The following RANBP3 variants were observed in gnomAD, a reference collection of about 807,000 sequenced individuals.
RANBP3 encodes ran-binding protein 3.
In RANBP3, 14 loss-of-function variants were observed where a neutral mutation model predicts 77.3. The ratio of observed to expected loss-of-function variants is 0.18; its 90% CI spans 0.12 to 0.28. The LOEUF (loss-of-function observed/expected upper bound fraction) is 0.28, where lower values mean the gene tolerates loss of function less well. RANBP3 is among the 10% of genes least tolerant of loss of function. The pLI, the probability that RANBP3 is intolerant of heterozygous loss-of-function variation, is 1.00. For synonymous variants in RANBP3, 315 were observed against 312.4 expected, an observed-to-expected ratio of 1.01 and a Z score of -0.09; for missense variants, 586 against 752.3, an observed-to-expected ratio of 0.78 and a Z score of 2.59.
chr19:5,922,697 T>G (rs1599720349), intron 13 of RANBP3, among the ~76,000 whole-genome samples: 2 of 152,284 alleles, frequency 1.3e-5, no homozygotes, highest in African/African-American at 2.4e-5. Context: ...CCCAGCACTT[T>G]GGGAGGCCGA....
At chr19:5,970,137 T>C (rs1305882298) in intron 1 of RANBP3, among the ~76,000 whole-genome samples, 1 of 152,026 alleles carries the variant, frequency 6.6e-6, no homozygotes, top group African/African-American at 2.4e-5. Flanking sequence ...ACCAACATCC[T>C]AGGAGGCTCA....
At position 5,927,488 on chromosome 19, in the gene RANBP3, G is replaced by C. The variant is rs139805833; in HGVS notation, c.813+480C>G. 1.4e-3 allele frequency among the ~76,000 whole-genome samples: 208 copies of C among 152,374 alleles called. 3 individuals carry two copies. In the East Asian group the frequency reaches 0.038, roughly 28 times the overall value. On this transcript the variant is annotated intron_variant, in intron 9 of 16. Transcript: ENST00000340578. ...GTCAGATGTCAGGAGCATTGGGTGG[G>C]TGGAGGCCAGTGATGCTGCTCAGCA... is the stretch of plus-strand genomic sequence containing the variant.
chr19:5,959,766 G>A lies in RANBP3; in HGVS notation c.23-1793C>T, dbSNP rs886467388. On this transcript the variant is annotated intron_variant, in intron 1 of 16. Transcript: ENST00000340578. The surrounding 1 kb of genome is among the most constrained non-coding windows in gnomAD (Gnocchi z 5.1). Reference sequence around the variant, plus strand: ...GCCACCAGGATCCTAGAGGTCTTCCGGTGCCACGCCTGTACCCCACAAGCC... The same window carrying A: ...GCCACCAGGATCCTAGAGGTCTTCCAGTGCCACGCCTGTACCCCACAAGCC... Among the ~76,000 whole-genome samples the A allele has an allele frequency of 4.6e-5, 7 of 152,110 alleles. No individual in the cohort carries two copies. Among genetic ancestry groups the A allele is most frequent in the Non-Finnish European group, 1.0e-4 (7 of 68,020 alleles).
rs573736721 is a variant in RANBP3, at chr19:5,958,739, G to C, written c.23-766C>G. ...GATGAGGACTGCCTCGACCCCACGA[G>C]GAGGCGCAGACCACACCTGCCTCAT... On this transcript the variant is annotated intron_variant, in intron 1 of 16. Transcript: ENST00000340578. The surrounding 1 kb of genome is among the most constrained non-coding windows in gnomAD (Gnocchi z 4.4). 5.1e-4 allele frequency among the ~76,000 whole-genome samples: 78 copies of C among 152,394 alleles called. No individual in the cohort carries two copies. Among genetic ancestry groups the C allele is most frequent in the Non-Finnish European group, 9.0e-4 (61 of 68,044 alleles).
At chr19:5,944,565 C>A (rs1055387911) in intron 3 of RANBP3, among the ~76,000 whole-genome samples, 3 of 152,270 alleles carry the variant, frequency 2.0e-5, no homozygotes, top group African/African-American at 7.2e-5. Context: ...AGCCTCCCAG[C>A]ACAGGCAGCT....
At chr19:5,969,578 G>A (rs543575330) in intron 1 of RANBP3, among the ~76,000 whole-genome samples, 19 of 152,294 alleles carry the variant, frequency 1.2e-4, no homozygotes, top group Admixed American at 9.8e-4. Context: ...AGTGCCCTAC[G>A]CGGGTCAGTT....
chr19:5,967,910 G>A (rs993206877), intron 1 of RANBP3, among the ~76,000 whole-genome samples: 2 of 152,076 alleles, frequency 1.3e-5, no homozygotes, highest in African/African-American at 4.8e-5. Context: ...CCAGCTACTC[G>A]GGAGGCTGAG....
intron 1 of RANBP3, among the ~76,000 whole-genome samples, chr19:5,967,816 T>G (rs2058485318): frequency 6.6e-6 from 1 of 151,416 alleles, no homozygotes; most frequent in African/African-American, 2.4e-5. Flanking sequence ...AGGAAAGGAG[T>G]TTGAGACCAG....
At chr19:5,938,364 C>T (rs2058092393) in intron 5 of RANBP3, among the ~76,000 whole-genome samples, 1 of 152,198 alleles carries the variant, frequency 6.6e-6, no homozygotes, top group Admixed American at 6.5e-5. Context: ...GCTCCATATT[C>T]TTCAGAAAGG....
chr19:5,919,387 C>T (rs1599714858), intron 14 of RANBP3, among the ~76,000 whole-genome samples: 1 of 152,116 alleles, frequency 6.6e-6, no homozygotes, highest in African/African-American at 2.4e-5. Context: ...CCTGGCCCAG[C>T]GAACAGACCT....
chr19:5,941,706 A>G lies in RANBP3; in HGVS notation c.321T>C (p.Asp107=). The change falls in exon 5 of 17, where the codon GAT becomes GAC. Residue 107 remains aspartate, a splice_region_variant and synonymous_variant. Coordinates refer to ENST00000340578, the MANE Select transcript of RANBP3 (RefSeq NM_007322.3). The part of the protein sequence containing the change: ...AGGSSPEGGE[D]SDREDGNYCP... ...AGTAATTTCCATCTTCTCTGTCAGAATCTACAGAAAATGATGAGAAGAGGA... is the reference window on the plus strand; with the variant it reads ...AGTAATTTCCATCTTCTCTGTCAGAGTCTACAGAAAATGATGAGAAGAGGA... The G allele has an allele frequency of 6.2e-7, 1 of 1,613,516 alleles. No homozygotes were observed. The highest frequency in any genetic ancestry group is 1.1e-5 in the South Asian group (1 of 91,058).
rs114482486 is a variant in RANBP3 at position 5,958,093 on chromosome 19, A to G, written c.23-120T>C. 1.4e-3 allele frequency: 1,223 copies of G among 905,030 alleles called. 17 individuals carry two copies. The African/African-American group carries it at 0.018, about 13-fold the overall frequency. The allele number at this position is 905,030 out of a possible 1,614,324, so 56.1% of individuals were successfully genotyped here. ...AATGAAACTAGTAACTCCAGAGAACATCAAATCACTTAGAACAGCGTCTTG... is the reference window on the plus strand; with the variant it reads ...AATGAAACTAGTAACTCCAGAGAACGTCAAATCACTTAGAACAGCGTCTTG... On this transcript the variant is annotated intron_variant, in intron 1 of 16. Transcript: ENST00000340578. The surrounding 1 kb of genome is among the most constrained non-coding windows in gnomAD (Gnocchi z 4.4).
intron 1 of RANBP3, among the ~76,000 whole-genome samples, chr19:5,967,894 G>A (rs896273088): frequency 6.6e-6 from 1 of 152,136 alleles, no homozygotes. Flanking sequence ...GGTGGGATAT[G>A]TAATCCCAGC....
At chr19:5,923,442 C>G (rs1011938131) in intron 12 of RANBP3, 139 bp from the exon 13 acceptor site, 7 of 752,218 alleles carry the variant, frequency 9.3e-6, no homozygotes, top group South Asian at 1.7e-5. Flanking sequence ...CCCGGCAACC[C>G]AAGTGGACCC....
chr19:5,975,589 T>C (rs1568486502), intron 1 of RANBP3, among the ~76,000 whole-genome samples: 2 of 149,970 alleles, frequency 1.3e-5, no homozygotes, highest in Non-Finnish European at 2.9e-5. Flanking sequence ...GGGCAATCAG[T>C]GATCATAACA....
Position 5,956,367 on chromosome 19 carries a change from G to A in RANBP3, c.78+1551C>T, listed in dbSNP as rs548195937. 2.4e-4 allele frequency among the ~76,000 whole-genome samples: 37 copies of A among 152,216 alleles called. No individual in the cohort carries two copies. In the South Asian group the frequency reaches 6.8e-3, roughly 28 times the overall value. On this transcript the variant is annotated intron_variant, in intron 2 of 16. Transcript: ENST00000340578. Reference sequence around the variant, plus strand: ...ACTAGAGAAATGCACCAGTCCTTTCGTACTGATGGAACCTCCAAAAGACAA... The same window carrying A: ...ACTAGAGAAATGCACCAGTCCTTTCATACTGATGGAACCTCCAAAAGACAA...
In RANBP3 at chr19:5,921,124, T is replaced by G. The variant is rs1365501649; in HGVS notation, c.1330+77A>C. On this transcript the variant is annotated intron_variant, in intron 14 of 16. Transcript: ENST00000340578. The surrounding 1 kb of genome is among the most constrained non-coding windows in gnomAD (Gnocchi z 5.3). ...GGGTAGGGTCAGGATCTCCCCCGCT[T>G]CATTCCCTTTGGAATTGCATAGTCC... 6.6e-7 allele frequency: 1 copy of G among 1,518,906 alleles called. No homozygotes were observed. The highest frequency in any genetic ancestry group is 1.4e-5 in the African/African-American group (1 of 72,514). The allele number at this position is 1,518,906 out of a possible 1,614,324, so 94.1% of individuals were successfully genotyped here.
chr19:5,917,617 C>T lies in RANBP3; in HGVS notation c.1697G>A (p.Ser566Asn). ...CAGCCGGGCTCCCGGCCGCTATGTG[C>T]TCCCGGTCGTCTGCCCGTCCCCTTC... ...GDEGDGQTTG[S>N]T is the part of the protein sequence containing the mutation. Residue 566 changes from serine to asparagine, a missense_variant, in exon 17 of 17, where the codon AGC becomes AAC. Physicochemically the swap from Ser to Asn is conservative, Grantham distance 46. Around this residue, in one of 5 missense-constraint regions of RANBP3, gnomAD observed 128 missense variants for 157.0 expected, o/e 0.82. Coordinates refer to ENST00000340578, the MANE Select transcript of RANBP3 (RefSeq NM_007322.3). The T allele has an allele frequency of 6.2e-7, 1 of 1,603,840 alleles. No homozygotes were observed. The highest frequency in any genetic ancestry group is 1.3e-5 in the African/African-American group (1 of 74,922).
chr19:5,947,615 C>A (rs1156690952), intron 3 of RANBP3, among the ~76,000 whole-genome samples: 1 of 152,238 alleles, frequency 6.6e-6, no homozygotes, highest in Non-Finnish European at 1.5e-5. Context: ...TGACTTGTCT[C>A]TCTGGCACTG....
Sources: gnomAD v4.1 joint callset for allele counts (sites outside exome capture counted in the v4.1 genomes callset) on GRCh38, gnomAD v4.1.1 for gene constraint, gnomAD v4.1.1 regional missense constraint, Gnocchi (gnomAD v3.1) non-coding constraint, MANE v1.5 for transcripts, NCBI Gene and HGNC (gene_info 2026-07-23, HGNC 2026-07-21) for gene names.